The following SECTM1 variants were observed in gnomAD, a reference collection of about 807,000 sequenced individuals.
SECTM1 encodes secreted and transmembrane protein 1.
In SECTM1, 10 loss-of-function variants were observed where a neutral mutation model predicts 18.1. That is an observed-to-expected ratio of 0.55 (90% CI 0.34 to 0.94). The LOEUF (loss-of-function observed/expected upper bound fraction) is 0.94. SECTM1 is among the 40% of genes least tolerant of loss of function. The probability of loss-of-function intolerance (pLI) is 0.02; values close to 1 mark genes in which losing one functional copy is unlikely to be tolerated. For missense variants in SECTM1, 297 were observed against 322.6 expected (o/e 0.92, Z 0.61); for synonymous variants, 137 against 139.2 (o/e 0.98, Z 0.11).
In SECTM1 at chr17:82,326,418, G is replaced by A. The variant is rs1388246582; in HGVS notation, c.94+729C>T. Among the ~76,000 whole-genome samples, 1 of 151,748 alleles carries A rather than the reference G, an allele frequency of 6.6e-6. No homozygotes were observed. The highest frequency in any genetic ancestry group is 1.5e-5 in the Non-Finnish European group (1 of 67,934). ...AGTTTGAGACCAGCCTGAGCAACAT[G>A]GCAAAACCCCATCTCTACAAAAAAT... On this transcript the variant is annotated intron_variant, in intron 2 of 4. Transcript: ENST00000269389. The surrounding 1 kb of genome is among the most constrained non-coding windows in gnomAD (Gnocchi z 4.3).
chr17:82,327,098 C>G (rs1475253878), intron 2 of SECTM1, 49 bp downstream of exon 2: 2 of 1,453,360 alleles, frequency 1.4e-6, no homozygotes, highest in Admixed American at 3.8e-5. Context: ...TGTCATGCCC[C>G]CACCGGGCCC....
intron 1 of SECTM1, among the ~76,000 whole-genome samples, chr17:82,332,057 G>A (rs1247480671): frequency 6.6e-6 from 1 of 152,050 alleles, no homozygotes; most frequent in Non-Finnish European, 1.5e-5. Context: ...CAGGAGAATC[G>A]CTTGAACCAG....
In SECTM1 at chr17:82,326,416, A is replaced by C. The variant is rs571605294; in HGVS notation, c.94+731T>G. On this transcript the variant is annotated intron_variant, in intron 2 of 4. Coordinates refer to ENST00000269389, the MANE Select transcript of SECTM1 (RefSeq NM_003004.3). The surrounding 1 kb of genome is among the most constrained non-coding windows in gnomAD (Gnocchi z 4.3). ...GGAGTTTGAGACCAGCCTGAGCAAC[A>C]TGGCAAAACCCCATCTCTACAAAAA... 1.3e-5 allele frequency among the ~76,000 whole-genome samples: 2 copies of C among 152,036 alleles called. No individual in the cohort carries two copies. Among genetic ancestry groups the C allele is most frequent in the East Asian group, 3.9e-4 (2 of 5,166 alleles).
chr17:82,333,678 CCCGCCCCTCT>C lies in SECTM1; in HGVS notation c.-53+12_-53+21del, dbSNP rs1183247060. ...CGAGCCCGCCCCTCTGGTTCCCCCG[CCCGCCCCTCT>C]CCGCGCCTCACCGGGTCCGCTCCTG... On this transcript the variant is annotated intron_variant, in intron 1 of 4. Coordinates refer to ENST00000269389, the MANE Select transcript of SECTM1 (RefSeq NM_003004.3). The C allele has an allele frequency of 2.6e-5, 4 of 155,024 alleles. No homozygotes were observed. Among genetic ancestry groups the C allele is most frequent in the Non-Finnish European group, 5.7e-5 (4 of 69,750 alleles). The allele number at this position is 155,024 out of a possible 1,614,324, so 9.6% of individuals were successfully genotyped here. A position where few individuals can be genotyped will look rare whatever the true frequency, so the allele number is the denominator to read the frequency against.
chr17:82,327,952 C>A (rs1359211750), intron 1 of SECTM1, among the ~76,000 whole-genome samples: 1 of 126,618 alleles, frequency 7.9e-6, no homozygotes, highest in Non-Finnish European at 1.7e-5. Flanking sequence ...ACCAGCCCCC[C>A]CACCCTGCCC....
In SECTM1 at chr17:82,322,348, G is replaced by C. The variant is rs778293144; in HGVS notation, c.560C>G (p.Pro187Arg). 6.2e-7 allele frequency: 1 copy of C among 1,613,764 alleles called. No homozygotes were observed. Among genetic ancestry groups the C allele is most frequent in the Non-Finnish European group, 8.5e-7 (1 of 1,179,852 alleles). Residue 187 changes from proline to arginine, a missense_variant, in exon 5 of 5, where the codon CCC becomes CGC. By Grantham distance (103) the Pro-to-Arg change is moderately radical. Coordinates refer to ENST00000269389, the MANE Select transcript of SECTM1 (RefSeq NM_003004.3). Reference sequence around the variant, plus strand: ...TCTGAGGGCTGCGACCTTCATCTGGGGTTCTAGGAGGAAGAACTTCTTCTG... The same window carrying C: ...TCTGAGGGCTGCGACCTTCATCTGGCGTTCTAGGAGGAAGAACTTCTTCTG... ...RREKKFFLLE[P>R]QMKVAALRAG...
At chr17:82,324,078 C>T (rs2052123176) in intron 3 of SECTM1, among the ~76,000 whole-genome samples, 2 of 151,938 alleles carry the variant, frequency 1.3e-5, no homozygotes, top group Non-Finnish European at 2.9e-5. Flanking sequence ...CTGGGTGACC[C>T]CAGTAAAGGG....
rs941690720 is a variant in SECTM1 at position 82,322,063 on chromosome 17, T to A, written c.*98A>T. ...AGGCCCAGCCTGCCAAGCAAGCCGGTGTCTGTGCCCTCCGGGTGGGACGAG... is the reference window on the plus strand; with the variant it reads ...AGGCCCAGCCTGCCAAGCAAGCCGGAGTCTGTGCCCTCCGGGTGGGACGAG... On this transcript the variant is annotated 3_prime_UTR_variant, in exon 5 of 5. Coordinates refer to ENST00000269389, the MANE Select transcript of SECTM1 (RefSeq NM_003004.3). The A allele has an allele frequency of 7.5e-6, 9 of 1,199,958 alleles. No homozygotes were observed. Among genetic ancestry groups the A allele is most frequent in the Non-Finnish European group, 1.1e-5 (9 of 823,890 alleles). The allele number at this position is 1,199,958 out of a possible 1,614,324, so 74.3% of individuals were successfully genotyped here. A position where few individuals can be genotyped will look rare whatever the true frequency, so the allele number is the denominator to read the frequency against.
rs2052146059 is a variant in SECTM1, at chr17:82,326,445, C to T, written c.94+702G>A. 6.6e-6 allele frequency among the ~76,000 whole-genome samples: 1 copy of T among 151,716 alleles called. No individual in the cohort carries two copies. Among genetic ancestry groups the T allele is most frequent in the African/African-American group, 2.4e-5 (1 of 41,260 alleles). ...CAAAACCCCATCTCTACAAAAAATACACAATTTAGCCAGGTATGGTGTGCA... is the reference window on the plus strand; with the variant it reads ...CAAAACCCCATCTCTACAAAAAATATACAATTTAGCCAGGTATGGTGTGCA... On this transcript the variant is annotated intron_variant, in intron 2 of 4. Coordinates refer to ENST00000269389, the MANE Select transcript of SECTM1 (RefSeq NM_003004.3). The surrounding 1 kb of genome is among the most constrained non-coding windows in gnomAD (Gnocchi z 4.3).
intron 3 of SECTM1, 192 bp from the exon 4 acceptor site, chr17:82,323,203 G>T (rs1348646232): frequency 6.5e-6 from 4 of 619,408 alleles, no homozygotes; most frequent in Non-Finnish European, 1.1e-5. Context: ...CAGGACCAGA[G>T]GTGGAAGGAG....
intron 2 of SECTM1, 109 bp downstream of exon 2, chr17:82,327,038 C>T (rs1484246258): frequency 6.3e-6 from 5 of 790,928 alleles, no homozygotes; most frequent in Non-Finnish European, 6.3e-6. Flanking sequence ...CAGTCATTAT[C>T]GGGGGTCTGG....
rs1182649632 is a variant in SECTM1, at chr17:82,328,490, G to T, written c.-52-1198C>A. 6.6e-6 allele frequency: 1 copy of T among 152,374 alleles called. No homozygotes were observed. The highest frequency in any genetic ancestry group is 1.5e-5 in the Non-Finnish European group (1 of 68,164). The allele number at this position is 152,374 out of a possible 1,614,324, so 9.4% of individuals were successfully genotyped here. On this transcript the variant is annotated intron_variant, in intron 1 of 4. Transcript: ENST00000269389. This position sits in a 1 kb window ranked among gnomAD's most constrained non-coding sequence, Gnocchi z 5.8. The stretch of plus-strand genomic sequence containing the variant: ...CAAAGCCCCACCTGCCTCCACGCAG[G>T]AGCTCAGCCTTGCACAGGAGACTAC...
rs62079491 is a variant in SECTM1, at chr17:82,322,060, C to T, written c.*101G>A. ...CAGAGGCCCAGCCTGCCAAGCAAGC[C>T]GGTGTCTGTGCCCTCCGGGTGGGAC... On this transcript the variant is annotated 3_prime_UTR_variant, in exon 5 of 5. Coordinates refer to ENST00000269389, the MANE Select transcript of SECTM1 (RefSeq NM_003004.3). 46 of 1,161,278 alleles carry T rather than the reference C, an allele frequency of 4.0e-5. No individual in the cohort carries two copies. The highest frequency in any genetic ancestry group is 4.9e-5 in the Non-Finnish European group (39 of 792,102). The allele number at this position is 1,161,278 out of a possible 1,614,324, so 71.9% of individuals were successfully genotyped here.
Position 82,326,624 on chromosome 17 carries a change from T to TAAGAAAAGAA in SECTM1, c.94+513_94+522dup, listed in dbSNP as rs71166201. On this transcript the variant is annotated intron_variant, in intron 2 of 4. Transcript: ENST00000269389. This position sits in a 1 kb window ranked among gnomAD's most constrained non-coding sequence, Gnocchi z 4.3. ...TAGAACCCGTCTCAAAAAAAAAAGA[T>TAAGAAAAGAA]AAGAAAAGAAAAGCCCCTCAGGTCA... Among the ~76,000 whole-genome samples, 77,343 of 150,204 alleles carry TAAGAAAAGAA rather than the reference T, an allele frequency of 0.51. 20,384 individuals carry two copies. Among genetic ancestry groups the TAAGAAAAGAA allele is most frequent in the Non-Finnish European group, 0.57 (38,557 of 67,430 alleles).
rs79159073 is a variant in SECTM1, at chr17:82,326,942, A to C, written c.94+205T>G. Among the ~76,000 whole-genome samples, 1 of 144,276 alleles carries C rather than the reference A, an allele frequency of 6.9e-6. No homozygotes were observed. The highest frequency in any genetic ancestry group is 2.6e-5 in the African/African-American group (1 of 37,746). 94.7% of individuals were successfully genotyped at this position (144,276 alleles called of 152,430 possible). ...GGCGGGACACGGCCCACTCACCACC[A>C]CCCTCCACCCACGGCGGGACACGGT... On this transcript the variant is annotated intron_variant, in intron 2 of 4. Coordinates refer to ENST00000269389, the MANE Select transcript of SECTM1 (RefSeq NM_003004.3). The surrounding 1 kb of genome is among the most constrained non-coding windows in gnomAD (Gnocchi z 4.3).
rs11656619 is a variant in SECTM1 at position 82,322,015 on chromosome 17, G to C, written c.*146C>G. Reference sequence around the variant, plus strand: ...GGGGGTGGAGGGGAAGGGTCTGCACGCACCCAGGAGTGGGTGACACAGAGG... The same window carrying C: ...GGGGGTGGAGGGGAAGGGTCTGCACCCACCCAGGAGTGGGTGACACAGAGG... On this transcript the variant is annotated 3_prime_UTR_variant, in exon 5 of 5. Coordinates refer to ENST00000269389, the MANE Select transcript of SECTM1 (RefSeq NM_003004.3). 1.3e-4 allele frequency: 92 copies of C among 686,974 alleles called. 1 individual carries two copies. Among genetic ancestry groups the C allele is most frequent in the Middle Eastern group, 8.1e-4 (2 of 2,470 alleles). 42.6% of individuals were successfully genotyped at this position (686,974 alleles called of 1,614,324 possible). A position where few individuals can be genotyped will look rare whatever the true frequency, so the allele number is the denominator to read the frequency against.
chr17:82,331,131 G>A (rs1020460911), intron 1 of SECTM1, among the ~76,000 whole-genome samples: 2 of 152,168 alleles, frequency 1.3e-5, no homozygotes, highest in South Asian at 2.1e-4. Flanking sequence ...AGGAGCAGGT[G>A]GCGGTGCCCT....
Position 82,321,815 on chromosome 17 carries a change from T to G in SECTM1, c.*346A>C. The G allele has an allele frequency of 2.7e-5, 7 of 259,400 alleles. No individual in the cohort carries two copies. Among genetic ancestry groups the G allele is most frequent in the East Asian group, 1.1e-4 (1 of 9,326 alleles). The allele number at this position is 259,400 out of a possible 1,614,324, so 16.1% of individuals were successfully genotyped here. On this transcript the variant is annotated 3_prime_UTR_variant, in exon 5 of 5. Transcript: ENST00000269389. ...TCACTTGGGCGCGGAGCCCTGGGAGTGGAGAGAGCGGACCCCACACCTGGG... is the reference window on the plus strand; with the variant it reads ...TCACTTGGGCGCGGAGCCCTGGGAGGGGAGAGAGCGGACCCCACACCTGGG...
intron 1 of SECTM1, among the ~76,000 whole-genome samples, chr17:82,331,727 G>A (rs1005405868): frequency 1.1e-4 from 17 of 152,268 alleles, no homozygotes; most frequent in Non-Finnish European, 2.2e-4. Flanking sequence ...GCGGCAGGGC[G>A]CGGCCCCAGG....
Sources: allele counts gnomAD v4.1 joint callset (sites outside exome capture counted in the v4.1 genomes callset), GRCh38; gene constraint gnomAD v4.1.1; non-coding constraint Gnocchi (gnomAD v3.1); transcripts MANE v1.5; gene names NCBI Gene and HGNC (gene_info 2026-07-23, HGNC 2026-07-21).